IFT25: variants seen among roughly 807,000 people sequenced by gnomAD.
IFT25 encodes intraflagellar transport 25, also known as intraflagellar transport protein 25 homolog.
chr1:53,924,363 T>C, the IFT25 span, among the ~76,000 whole-genome samples: 1 of 152,280 alleles, frequency 6.6e-6, no homozygotes, highest in Admixed American at 6.5e-5. Context: ...TAGAGCTGAG[T>C]TTCTCAGTGA....
chr1:53,944,451 C>T, the IFT25 span, among the ~76,000 whole-genome samples: 2 of 152,170 alleles, frequency 1.3e-5, no homozygotes, highest in African/African-American at 4.8e-5. Flanking sequence ...TCAAGACCAG[C>T]CTGACCAACA....
the IFT25 span, chr1:53,930,186 T>C: frequency 7.3e-6 from 11 of 1,509,560 alleles, no homozygotes; most frequent in African/African-American, 4.4e-5. Flanking sequence ...TAGCCAAATA[T>C]AAATGGTTAA....
At chr1:53,941,418 C>A in the IFT25 span, among the ~76,000 whole-genome samples, 7 of 152,076 alleles carry the variant, frequency 4.6e-5, no homozygotes, top group Non-Finnish European at 8.8e-5. Context: ...AAATGCATTT[C>A]TTCTTAGTTT....
At chr1:53,938,414 T>C in the IFT25 span, among the ~76,000 whole-genome samples, 3 of 152,152 alleles carry the variant, frequency 2.0e-5, no homozygotes, top group Admixed American at 6.6e-5. Context: ...CAGAGGTATA[T>C]ACCAAATGTT....
the IFT25 span, among the ~76,000 whole-genome samples, chr1:53,941,583 T>G: frequency 1.3e-5 from 2 of 152,342 alleles, no homozygotes; most frequent in South Asian, 4.1e-4. Context: ...TCGACACTAT[T>G]GATACCAGAG....
At chr1:53,944,598 C>T in the IFT25 span, among the ~76,000 whole-genome samples, 1 of 152,156 alleles carries the variant, frequency 6.6e-6, no homozygotes, top group African/African-American at 2.4e-5. Context: ...GAGGCGAGAC[C>T]GCGCCACTGC....
chr1:53,919,702 T>C, the IFT25 span, among the ~76,000 whole-genome samples: 3 of 152,248 alleles, frequency 2.0e-5, no homozygotes, highest in African/African-American at 4.8e-5. Context: ...GATCCCTGCA[T>C]TGTAAAGTTC....
chr1:53,934,902 G>A, the IFT25 span, among the ~76,000 whole-genome samples: 2 of 152,188 alleles, frequency 1.3e-5, no homozygotes, highest in Admixed American at 1.3e-4. Context: ...GGGAGGCTGG[G>A]ACATGAGAAT....
chr1:53,940,879 T>TA, the IFT25 span, among the ~76,000 whole-genome samples: 2 of 151,916 alleles, frequency 1.3e-5, no homozygotes, highest in East Asian at 1.9e-4. Flanking sequence ...AGCTAATTTT[T>TA]AAAAAAATTC....
the IFT25 span, among the ~76,000 whole-genome samples, chr1:53,922,167 G>A: frequency 2.0e-5 from 3 of 152,152 alleles, no homozygotes; most frequent in South Asian, 2.1e-4. Context: ...GGCTGAGGCC[G>A]ACAGATCACC....
At chr1:53,928,538 GA>G in the IFT25 span, 2 of 797,388 alleles carry the variant, frequency 2.5e-6, no homozygotes, top group Non-Finnish European at 4.3e-6. Context: ...ATGCACAGTG[GA>G]ACTACACAGA....
the IFT25 span, among the ~76,000 whole-genome samples, chr1:53,937,889 T>C: frequency 4.6e-5 from 7 of 152,270 alleles, no homozygotes; most frequent in East Asian, 1.3e-3. Context: ...ATTACCTGAA[T>C]TTCAGGAAGT....
At chr1:53,926,413 A>C in the IFT25 span, among the ~76,000 whole-genome samples, 12 of 152,192 alleles carry the variant, frequency 7.9e-5, no homozygotes, top group Non-Finnish European at 1.5e-4. Flanking sequence ...CAGCCTCCTA[A>C]AATGCTGGGA....
At chr1:53,914,199 T>G in the IFT25 span, among the ~76,000 whole-genome samples, 1 of 152,208 alleles carries the variant, frequency 6.6e-6, no homozygotes, top group Admixed American at 6.5e-5. Flanking sequence ...GATAAGCCTT[T>G]CATAACCATG....
the IFT25 span, chr1:53,930,075 C>T: frequency 6.4e-7 from 1 of 1,574,244 alleles, no homozygotes. Context: ...TCAATCCTTA[C>T]ATGTTTGTGG....
At chr1:53,932,522 T>C in the IFT25 span, among the ~76,000 whole-genome samples, 2,719 of 152,272 alleles carry the variant, frequency 0.018, 90 homozygotes, top group African/African-American at 0.062. Flanking sequence ...TCTTGAAATA[T>C]ATTGAGACTT....
At chr1:53,924,668 C>T in the IFT25 span, among the ~76,000 whole-genome samples, 2 of 152,090 alleles carry the variant, frequency 1.3e-5, no homozygotes, top group African/African-American at 4.8e-5. Context: ...AACCCTGTCT[C>T]TACTAAAAAT....
chr1:53,935,543 T>C, the IFT25 span, among the ~76,000 whole-genome samples: 1 of 152,178 alleles, frequency 6.6e-6, no homozygotes, highest in Non-Finnish European at 1.5e-5. Context: ...AGCCACTGAA[T>C]TGTATATTCT....
chr1:53,921,797 T>G, the IFT25 span: 1 of 1,356,564 alleles, frequency 7.4e-7, no homozygotes, highest in East Asian at 2.3e-5. Flanking sequence ...ATATAAATGC[T>G]TTTAGCAGTG....
Sources: gnomAD v4.1 joint callset for allele counts (sites outside exome capture counted in the v4.1 genomes callset) on GRCh38, gnomAD v4.1.1 for gene constraint, MANE v1.5 for transcripts, NCBI Gene and HGNC (gene_info 2026-07-23, HGNC 2026-07-21) for gene names.